TMEM217B: variants seen among roughly 807,000 people sequenced by gnomAD.
TMEM217B encodes putative transmembrane protein 217B.
the TMEM217B span, among the ~76,000 whole-genome samples, chr6:37,255,583 C>T: frequency 2.0e-5 from 3 of 151,508 alleles, no homozygotes; most frequent in East Asian, 5.8e-4. Flanking sequence ...ACTCAGGAGG[C>T]TGATGTGGGA....
At chr6:37,235,522 C>T in the TMEM217B span, among the ~76,000 whole-genome samples, 9 of 152,218 alleles carry the variant, frequency 5.9e-5, no homozygotes, top group Admixed American at 2.0e-4. Flanking sequence ...CCCGCCACCA[C>T]GCCTGGCTAA....
chr6:37,234,205 T>C, the TMEM217B span, among the ~76,000 whole-genome samples: 2 of 152,012 alleles, frequency 1.3e-5, no homozygotes, highest in African/African-American at 4.8e-5. Context: ...ATTTGAATGA[T>C]TCTCCTGCCT....
At chr6:37,218,763 T>A in the TMEM217B span, 1 of 1,614,122 alleles carries the variant, frequency 6.2e-7, no homozygotes, top group Non-Finnish European at 8.5e-7. Flanking sequence ...CCCCTGAAGA[T>A]CTGGGCATAC....
the TMEM217B span, among the ~76,000 whole-genome samples, chr6:37,244,591 T>C: frequency 1.3e-5 from 2 of 152,202 alleles, no homozygotes; most frequent in Admixed American, 6.5e-5. Context: ...GTGCCAACTC[T>C]TGGCTGATTT....
chr6:37,252,637 A>ATT, the TMEM217B span, among the ~76,000 whole-genome samples: 42 of 71,354 alleles, frequency 5.9e-4, no homozygotes, highest in African/African-American at 1.8e-3. Context: ...ATATATATAT[A>ATT]TTTTTTTTTT....
At chr6:37,212,256 A>T in the TMEM217B span, 4 of 345,544 alleles carry the variant, frequency 1.2e-5, no homozygotes, top group Non-Finnish European at 1.7e-5. Context: ...AAAATAATTG[A>T]TCCGCACAAC....
At chr6:37,214,310 C>A in the TMEM217B span, among the ~76,000 whole-genome samples, 1 of 152,174 alleles carries the variant, frequency 6.6e-6, no homozygotes, top group Admixed American at 6.5e-5. Context: ...TCACTGCAAT[C>A]TCTGCCTCCC....
At chr6:37,227,477 C>T in the TMEM217B span, among the ~76,000 whole-genome samples, 1 of 152,126 alleles carries the variant, frequency 6.6e-6, no homozygotes, top group Non-Finnish European at 1.5e-5. Context: ...GACGGAGTCT[C>T]GCTCTGTCAC....
chr6:37,246,406 A>G, the TMEM217B span, among the ~76,000 whole-genome samples: 1 of 152,162 alleles, frequency 6.6e-6, no homozygotes, highest in Non-Finnish European at 1.5e-5. Context: ...TGGGAGTGGA[A>G]ACATATGATA....
At chr6:37,242,266 A>G in the TMEM217B span, among the ~76,000 whole-genome samples, 16 of 152,318 alleles carry the variant, frequency 1.1e-4, no homozygotes, top group Non-Finnish European at 1.2e-4. Flanking sequence ...GGGGTCTGGG[A>G]GAGAGTCAAA....
At chr6:37,256,293 A>G in the TMEM217B span, among the ~76,000 whole-genome samples, 2 of 152,220 alleles carry the variant, frequency 1.3e-5, no homozygotes, top group Non-Finnish European at 2.9e-5. Flanking sequence ...TACTCTTTCA[A>G]GACATCAACT....
the TMEM217B span, chr6:37,215,197 C>A: frequency 6.2e-7 from 1 of 1,613,634 alleles, no homozygotes; most frequent in East Asian, 2.2e-5. Flanking sequence ...TCAATACTCA[C>A]TCAGCAGACA....
the TMEM217B span, among the ~76,000 whole-genome samples, chr6:37,233,628 G>A: frequency 6.6e-6 from 1 of 152,308 alleles, no homozygotes; most frequent in African/African-American, 2.4e-5. Context: ...TGGGGTTTAA[G>A]TTCCAACATA....
the TMEM217B span, chr6:37,213,100 G>A: frequency 1.3e-6 from 1 of 796,406 alleles, no homozygotes; most frequent in South Asian, 1.8e-5. Context: ...GAGCAATGAT[G>A]GTGTGTGGAC....
chr6:37,212,208 A>G, the TMEM217B span: 25 of 325,188 alleles, frequency 7.7e-5, no homozygotes, highest in African/African-American at 4.5e-4. Flanking sequence ...AAGGCCACAT[A>G]TCATTAACTG....
At chr6:37,239,360 C>T in the TMEM217B span, among the ~76,000 whole-genome samples, 4 of 151,576 alleles carry the variant, frequency 2.6e-5, no homozygotes, top group South Asian at 2.1e-4. Context: ...TTGGTGGCCA[C>T]GCCTGTAGTC....
At chr6:37,218,991 C>G in the TMEM217B span, 1 of 1,614,076 alleles carries the variant, frequency 6.2e-7, no homozygotes, top group South Asian at 1.1e-5. Flanking sequence ...AACACGGTGC[C>G]CATTTTGGCA....
chr6:37,213,106 T>G, the TMEM217B span: 10 of 757,244 alleles, frequency 1.3e-5, no homozygotes, highest in East Asian at 2.7e-5. Flanking sequence ...TGATGGTGTG[T>G]GGACAGGCAA....
chr6:37,213,006 G>GA, the TMEM217B span: 2 of 1,525,442 alleles, frequency 1.3e-6, no homozygotes, highest in Non-Finnish European at 1.8e-6. Context: ...CCTGCAGGAA[G>GA]AAAATCATAC....
Sources: gnomAD v4.1 joint callset for allele counts (sites outside exome capture counted in the v4.1 genomes callset) on GRCh38, gnomAD v4.1.1 for gene constraint, MANE v1.5 for transcripts, NCBI Gene and HGNC (gene_info 2026-07-23, HGNC 2026-07-21) for gene names.